The following RECQL5 variants were observed in gnomAD, a reference collection of about 807,000 sequenced individuals.
The protein encoded by RECQL5 is RecQ like helicase 5.
RECQL5 carries 88 observed loss-of-function variants against 103.4 expected under a neutral mutation model. The observed-to-expected ratio is 0.85, with a 90% confidence interval of 0.72 to 1.02. The LOEUF (loss-of-function observed/expected upper bound fraction) is 1.02, where lower values mean the gene tolerates loss of function less well. Among genes scored for constraint, RECQL5 ranks in the 50% least tolerant of loss-of-function variants. RECQL5 has a pLI of 0.00. For synonymous variants in RECQL5, 552 were observed against 507.9 expected, an observed-to-expected ratio of 1.09 and a Z score of -1.17; for missense variants, 1,232 against 1,284.3, an observed-to-expected ratio of 0.96 and a Z score of 0.62.
At chr17:75,643,615 G>A (rs2059457531) in intron 8 of RECQL5, among the ~76,000 whole-genome samples, 1 of 152,266 alleles carries the variant, frequency 6.6e-6, no homozygotes, top group Non-Finnish European at 1.5e-5. Context: ...TCTTCCCTGG[G>A]GAAGATGGGC....
intron 6 of RECQL5, among the ~76,000 whole-genome samples, chr17:75,659,960 G>A (rs1241757066): frequency 6.6e-6 from 1 of 152,222 alleles, no homozygotes; most frequent in African/African-American, 2.4e-5. Context: ...CAATAAAAAG[G>A]AATGATGGTT....
At chr17:75,654,629 A>T (rs1363958189) in intron 7 of RECQL5, among the ~76,000 whole-genome samples, 1 of 151,508 alleles carries the variant, frequency 6.6e-6, no homozygotes, top group Non-Finnish European at 1.5e-5. Flanking sequence ...TTATTTATTT[A>T]TTTTTTTGGA....
chr17:75,660,997 G>A lies in RECQL5; in HGVS notation c.944C>T (p.Ala315Val), dbSNP rs1165570621. 6.2e-7 allele frequency: 1 copy of A among 1,614,196 alleles called. No individual in the cohort carries two copies. The highest frequency in any genetic ancestry group is 1.1e-5 in the South Asian group (1 of 91,090). The change falls in exon 6 of 20, where the codon GCA becomes GTA. Residue 315 changes from alanine (A) to valine (V), a missense_variant. By Grantham distance (64) the Ala-to-Val change is moderately conservative (BLOSUM62 0). Transcript: ENST00000317905. The part of the protein sequence containing the change: ...WMEEKVPVIV[A>V]TISFGMGVDK... The stretch of plus-strand genomic sequence containing the variant: ...CACTCCCATCCCAAAACTAATGGTT[G>A]CAACAATTACAGGGACCTTCTCCTC...
chr17:75,639,036 A>C (rs2059381479), intron 8 of RECQL5: 1 of 152,302 alleles, frequency 6.6e-6, no homozygotes, highest in Admixed American at 6.5e-5. Flanking sequence ...CTGGGTGCTC[A>C]TGCAAAGACC....
At chr17:75,643,756 C>T (rs1005552551) in intron 8 of RECQL5, among the ~76,000 whole-genome samples, 2 of 152,212 alleles carry the variant, frequency 1.3e-5, no homozygotes, top group African/African-American at 4.8e-5. Context: ...GTTTAGAGGA[C>T]GTCTGACTTG....
At position 75,626,926 on chromosome 17, in the gene RECQL5, C is replaced by G. The variant is rs183590532; in HGVS notation, c.*496G>C. 5.7e-6 allele frequency: 2 copies of G among 352,898 alleles called. No homozygotes were observed. The highest frequency in any genetic ancestry group is 1.1e-5 in the Non-Finnish European group (2 of 181,452). The allele number at this position is 352,898 out of a possible 1,614,324, so 21.9% of individuals were successfully genotyped here. On this transcript the variant is annotated 3_prime_UTR_variant, in exon 20 of 20. Transcript: ENST00000317905. ...CCAAACATCTGTCAGGCCTGGCCTT[C>G]CTGAGCAGGAGCTGAGCAGGAACAG... is the stretch of plus-strand genomic sequence containing the variant.
chr17:75,661,369 G>GT (rs1198129432), intron 5 of RECQL5, among the ~76,000 whole-genome samples: 3 of 152,150 alleles, frequency 2.0e-5, no homozygotes, highest in Admixed American at 2.0e-4. Flanking sequence ...TTGTAAAAAC[G>GT]TATCACCTGC....
At chr17:75,647,708 A>G in intron 8 of RECQL5, 2 of 777,348 alleles carry the variant, frequency 2.6e-6, no homozygotes, top group Non-Finnish European at 4.2e-6. Context: ...AGTCTAGTAA[A>G]ATACTGTATC....
At chr17:75,650,700 GT>G in intron 8 of RECQL5, 1 of 1,613,798 alleles carries the variant, frequency 6.2e-7, no homozygotes, top group Non-Finnish European at 8.5e-7. Context: ...GACTCTTTCC[GT>G]GGCCCCTGCC....
chr17:75,655,122 T>C (rs1038981321), intron 7 of RECQL5, among the ~76,000 whole-genome samples: 7 of 152,118 alleles, frequency 4.6e-5, no homozygotes, highest in African/African-American at 1.7e-4. Flanking sequence ...TTGATAAATT[T>C]TTCTGGGAAC....
chr17:75,640,695 G>A lies in RECQL5; in HGVS notation c.1230-9027C>T. 6.7e-7 allele frequency: 1 copy of A among 1,498,264 alleles called. No individual in the cohort carries two copies. The highest frequency in any genetic ancestry group is 8.9e-7 in the Non-Finnish European group (1 of 1,120,064). 92.8% of individuals were successfully genotyped at this position (1,498,264 alleles called of 1,614,324 possible). A position where few individuals can be genotyped will look rare whatever the true frequency, so the allele number is the denominator to read the frequency against. On this transcript the variant is annotated intron_variant, in intron 8 of 19. Coordinates refer to ENST00000317905, the MANE Select transcript of RECQL5 (RefSeq NM_004259.7). This position sits in a 1 kb window ranked among gnomAD's most constrained non-coding sequence, Gnocchi z 4.6. ...TTCTGACCTCCACCAAACCTGTGGG[G>A]GAAAGACCCTGGCAGGCAGTGGGTT...
In RECQL5 at chr17:75,639,980, C is replaced by T. The variant is rs1055672750; in HGVS notation, c.1230-8312G>A. On this transcript the variant is annotated intron_variant, in intron 8 of 19. Transcript: ENST00000317905. Reference sequence around the variant, plus strand: ...TCACTGTCCTCACCGGCTTCCTCCACCCTGAGCTGTGTCAGCTGGGTGGGG... The same window carrying T: ...TCACTGTCCTCACCGGCTTCCTCCATCCTGAGCTGTGTCAGCTGGGTGGGG... 6.8e-6 allele frequency: 4 copies of T among 587,482 alleles called. No homozygotes were observed. The African/African-American group carries it at 7.6e-5, about 11-fold the overall frequency. 36.4% of individuals were successfully genotyped at this position (587,482 alleles called of 1,614,324 possible). A position where few individuals can be genotyped will look rare whatever the true frequency, so the allele number is the denominator to read the frequency against.
In RECQL5 at chr17:75,640,623, C is replaced by A. The variant is rs556805933; in HGVS notation, c.1230-8955G>T. On this transcript the variant is annotated intron_variant, in intron 8 of 19. Transcript: ENST00000317905. The surrounding 1 kb of genome is among the most constrained non-coding windows in gnomAD (Gnocchi z 4.6). ...ACAACATGGAGGAGGTTGGCCCTGG[C>A]GGCTGGCATGGGGACCGTCCGCACC... 1.3e-5 allele frequency among the ~76,000 whole-genome samples: 2 copies of A among 152,196 alleles called. No homozygotes were observed. The highest frequency in any genetic ancestry group is 3.9e-4 in the East Asian group (2 of 5,166).
chr17:75,626,862 C>T lies in RECQL5; in HGVS notation c.*560G>A, dbSNP rs965065544. ...TCCCTGGAGAAAAGGGCTGTGTGCA[C>T]GCCTGCATGCCCCACAACAACACAA... On this transcript the variant is annotated 3_prime_UTR_variant, in exon 20 of 20. Transcript: ENST00000317905. The T allele has an allele frequency of 2.8e-5, 11 of 394,476 alleles. No homozygotes were observed. The highest frequency in any genetic ancestry group is 7.0e-5 in the South Asian group (3 of 42,908). 24.4% of individuals were successfully genotyped at this position (394,476 alleles called of 1,614,324 possible). A position where few individuals can be genotyped will look rare whatever the true frequency, so the allele number is the denominator to read the frequency against.
rs995950985 is a variant in RECQL5, at chr17:75,666,408, A to G, written c.130+20T>C. On this transcript the variant is annotated intron_variant, in intron 2 of 19. Coordinates refer to ENST00000317905, the MANE Select transcript of RECQL5 (RefSeq NM_004259.7). ...GTATAGCCAGCATAAATTTAAAGGA[A>G]GGTAGCTTGGTAATGTTACCTTTTA... is the stretch of plus-strand genomic sequence containing the variant. 2.7e-5 allele frequency: 43 copies of G among 1,613,502 alleles called. No individual in the cohort carries two copies. Among genetic ancestry groups the G allele is most frequent in the Non-Finnish European group, 3.6e-5 (42 of 1,179,722 alleles).
At chr17:75,662,161 C>T (rs2059708360) in intron 4 of RECQL5, among the ~76,000 whole-genome samples, 1 of 147,164 alleles carries the variant, frequency 6.8e-6, no homozygotes, top group African/African-American at 2.5e-5. Context: ...AACTCCATCT[C>T]AAAAAAAAAA....
At chr17:75,641,164 C>T (rs910508556) in intron 8 of RECQL5, 12 of 465,534 alleles carry the variant, frequency 2.6e-5, no homozygotes, top group Non-Finnish European at 3.8e-5. Context: ...TGGGCTTCTT[C>T]GCCTACCTGC....
At chr17:75,633,385 G>C in intron 8 of RECQL5, 1 of 1,246,834 alleles carries the variant, frequency 8.0e-7, no homozygotes, top group Non-Finnish European at 1.0e-6. Flanking sequence ...ACAGGGCCCG[G>C]CCCCTGGACT....
Position 75,627,072 on chromosome 17 carries a change from G to A in RECQL5, c.*350C>T, listed in dbSNP as rs2059104106. 4.3e-6 allele frequency: 2 copies of A among 460,894 alleles called. No homozygotes were observed. The highest frequency in any genetic ancestry group is 4.3e-6 in the Non-Finnish European group (1 of 233,850). The allele number at this position is 460,894 out of a possible 1,614,324, so 28.6% of individuals were successfully genotyped here. On this transcript the variant is annotated 3_prime_UTR_variant, in exon 20 of 20. Coordinates refer to ENST00000317905, the MANE Select transcript of RECQL5 (RefSeq NM_004259.7). ...CCCCTGGGTAGGTTCCGATACCTTGGACAGGTGGGCCTCATCCTGACTTAG... is the reference window on the plus strand; with the variant it reads ...CCCCTGGGTAGGTTCCGATACCTTGAACAGGTGGGCCTCATCCTGACTTAG...
Sources: allele counts gnomAD v4.1 joint callset (sites outside exome capture counted in the v4.1 genomes callset), GRCh38; gene constraint gnomAD v4.1.1; non-coding constraint Gnocchi (gnomAD v3.1); transcripts MANE v1.5; gene names NCBI Gene and HGNC (gene_info 2026-07-23, HGNC 2026-07-21).